Variants in PRDM5 observed in about 807,000 individuals in gnomAD.
PRDM5 encodes the protein PR domain zinc finger protein 5.
In PRDM5, 56 loss-of-function variants were observed where a neutral mutation model predicts 81.2. The ratio of observed to expected loss-of-function variants is 0.69; its 90% CI spans 0.56 to 0.86. The LOEUF (loss-of-function observed/expected upper bound fraction) is 0.86, where lower values mean the gene tolerates loss of function less well. Ranked by LOEUF, PRDM5 falls within the 40% of genes least tolerant of loss-of-function variation. PRDM5 has a pLI of 0.00. For synonymous variants in PRDM5, 267 were observed against 256.4 expected, an observed-to-expected ratio of 1.04 and a Z score of -0.39; for missense variants, 697 against 770.1, an observed-to-expected ratio of 0.91 and a Z score of 1.12.
intron 2 of PRDM5, among the ~76,000 whole-genome samples, chr4:120,876,938 C>T (rs1762384961): frequency 6.6e-6 from 1 of 152,118 alleles, no homozygotes; most frequent in South Asian, 2.1e-4. Flanking sequence ...TCCTTAAAAA[C>T]AAAACAAACT....
intron 14 of PRDM5, among the ~76,000 whole-genome samples, chr4:120,727,738 C>G (rs1228438364): frequency 1.3e-5 from 2 of 152,028 alleles, no homozygotes; most frequent in Admixed American, 1.3e-4. Flanking sequence ...GAGTTCGAGA[C>G]TAGCCTGGCC....
intron 13 of PRDM5, among the ~76,000 whole-genome samples, chr4:120,758,620 A>G (rs1745131012): frequency 6.6e-6 from 1 of 152,114 alleles, no homozygotes. Context: ...GCGCCTTCAC[A>G]GGGAGCATGG....
chr4:120,918,549 AT>A (rs957090792), intron 1 of PRDM5, among the ~76,000 whole-genome samples: 2 of 144,840 alleles, frequency 1.4e-5, no homozygotes, highest in Non-Finnish European at 1.5e-5. Context: ...TCTTTCTTTG[AT>A]TTTTTTTAAC....
intron 13 of PRDM5, among the ~76,000 whole-genome samples, chr4:120,772,228 C>T (rs1201066570): frequency 1.3e-5 from 2 of 152,138 alleles, no homozygotes; most frequent in African/African-American, 4.8e-5. Flanking sequence ...GTCCCCTGAA[C>T]CCTGACTACA....
intron 2 of PRDM5, among the ~76,000 whole-genome samples, chr4:120,893,293 T>C (rs1346821499): frequency 6.6e-6 from 1 of 152,202 alleles, no homozygotes; most frequent in Non-Finnish European, 1.5e-5. Flanking sequence ...GACAGACTGG[T>C]GTCCAGCTTT....
At chr4:120,881,116 G>T (rs1762800069) in intron 2 of PRDM5, among the ~76,000 whole-genome samples, 1 of 152,092 alleles carries the variant, frequency 6.6e-6, no homozygotes, top group Non-Finnish European at 1.5e-5. Flanking sequence ...AACCAGCTAG[G>T]TTATAAAATG....
intron 10 of PRDM5, 100 bp from the exon 11 acceptor site, chr4:120,785,191 G>C: frequency 1.1e-6 from 1 of 896,980 alleles, no homozygotes; most frequent in Non-Finnish European, 1.8e-6. Context: ...GGAAAGAAGG[G>C]AAGGTGGACA....
intron 3 of PRDM5, among the ~76,000 whole-genome samples, chr4:120,832,653 T>C (rs1432131019): frequency 6.6e-6 from 1 of 152,094 alleles, no homozygotes; most frequent in Non-Finnish European, 1.5e-5. Context: ...CTGAAGGCTA[T>C]CAACAAAGTA....
intron 14 of PRDM5, among the ~76,000 whole-genome samples, chr4:120,742,858 G>A (rs1742291669): frequency 6.6e-6 from 1 of 152,154 alleles, no homozygotes; most frequent in Non-Finnish European, 1.5e-5. Context: ...ACACTCTGCA[G>A]GATATTATCC....
chr4:120,794,862 C>T (rs1751125913), intron 10 of PRDM5, among the ~76,000 whole-genome samples: 1 of 151,984 alleles, frequency 6.6e-6, no homozygotes, highest in Non-Finnish European at 1.5e-5. Flanking sequence ...CGGACCTCAG[C>T]GGATCCACCC....
intron 2 of PRDM5, among the ~76,000 whole-genome samples, chr4:120,873,446 C>T (rs1762043154): frequency 6.6e-6 from 1 of 152,208 alleles, no homozygotes; most frequent in Admixed American, 6.5e-5. Flanking sequence ...ACAGAGCCTG[C>T]TTTTCAATTA....
At chr4:120,785,242 G>A (rs75436862) in intron 10 of PRDM5, 151 bp from the exon 11 acceptor site, 154 of 657,952 alleles carry the variant, frequency 2.3e-4, no homozygotes, top group Non-Finnish European at 3.7e-4. Flanking sequence ...CCGTAAAATT[G>A]TAAAGACAAA....
intron 13 of PRDM5, among the ~76,000 whole-genome samples, chr4:120,772,491 A>G (rs1309703725): frequency 6.6e-6 from 1 of 152,244 alleles, no homozygotes; most frequent in East Asian, 1.9e-4. Context: ...CAGCAAAGGC[A>G]ATGCCAATGG....
chr4:120,874,932 G>T (rs982441912), intron 2 of PRDM5, among the ~76,000 whole-genome samples: 29 of 152,288 alleles, frequency 1.9e-4, no homozygotes, highest in African/African-American at 6.0e-4. Flanking sequence ...GGAAGAGGTG[G>T]TGGGAGGCTC....
intron 3 of PRDM5, among the ~76,000 whole-genome samples, chr4:120,851,422 A>T (rs947683414): frequency 1.3e-5 from 2 of 152,066 alleles, no homozygotes; most frequent in African/African-American, 4.8e-5. Context: ...AGCCATGAAA[A>T]AATATATAAA....
Position 120,691,950 on chromosome 4 carries a change from A to G in PRDM5, c.*3161T>C, listed in dbSNP as rs888267590. Reference sequence around the variant, plus strand: ...TTATATATATTTATTATAGATTTATAATAAAATAAAAAATGCTATTGGAAT... The same window carrying G: ...TTATATATATTTATTATAGATTTATGATAAAATAAAAAATGCTATTGGAAT... On this transcript the variant is annotated 3_prime_UTR_variant, in exon 16 of 16. Coordinates refer to ENST00000264808, the MANE Select transcript of PRDM5 (RefSeq NM_018699.4). 13 of 151,954 alleles carry G rather than the reference A, an allele frequency of 8.6e-5. No individual in the cohort carries two copies. Among genetic ancestry groups the G allele is most frequent in the African/African-American group, 2.9e-4 (12 of 41,436 alleles). 9.4% of individuals were successfully genotyped at this position (151,954 alleles called of 1,614,324 possible).
chr4:120,764,097 A>T (rs1183622330), intron 13 of PRDM5, among the ~76,000 whole-genome samples: 1 of 152,178 alleles, frequency 6.6e-6, no homozygotes. Flanking sequence ...TCCAAAGGAA[A>T]AATGTTGGTG....
chr4:120,810,387 G>C (rs1311536940), intron 8 of PRDM5: 1 of 152,132 alleles, frequency 6.6e-6, no homozygotes, highest in African/African-American at 2.4e-5. Flanking sequence ...ATAAGGGTGA[G>C]GGGGAAGGAG....
At chr4:120,816,373 A>G (rs762430688) in intron 7 of PRDM5, 80 bp downstream of exon 7, 10 of 1,609,304 alleles carry the variant, frequency 6.2e-6, no homozygotes, top group Non-Finnish European at 8.5e-6. Flanking sequence ...CTCTCTCCTC[A>G]AGAGCGAGAA....
Sources: allele counts gnomAD v4.1 joint callset (sites outside exome capture counted in the v4.1 genomes callset), GRCh38; gene constraint gnomAD v4.1.1; transcripts MANE v1.5; gene names NCBI Gene and HGNC (gene_info 2026-07-23, HGNC 2026-07-21).